MCM3AP: variants seen among roughly 807,000 people sequenced by gnomAD.
MCM3AP encodes the protein germinal-center associated nuclear protein.
A neutral mutation model predicts 184.1 loss-of-function variants in MCM3AP; 126 were observed. That is an observed-to-expected ratio of 0.68 (90% CI 0.59 to 0.79). The LOEUF is 0.79. MCM3AP is among the 30% of genes least tolerant of loss of function. MCM3AP has a pLI of 0.00. For missense variants in MCM3AP, 2,496 were observed against 2,479.2 expected (o/e 1.01, Z -0.14); for synonymous variants, 1,002 against 979.3 (o/e 1.02, Z -0.43).
chr21:46,246,947 T>C, intron 20 of MCM3AP, 61 bp from the exon 21 acceptor site: 2 of 1,569,482 alleles, frequency 1.3e-6, no homozygotes, highest in South Asian at 2.3e-5. Context: ...CAGTGACTGA[T>C]CTGCCCCAGA....
At chr21:46,239,162 C>T (rs1049460482) in intron 26 of MCM3AP, among the ~76,000 whole-genome samples, 4 of 152,192 alleles carry the variant, frequency 2.6e-5, no homozygotes, top group African/African-American at 4.8e-5. Context: ...AAGGAAGGAG[C>T]GGAGGTCAGA....
intron 16 of MCM3AP, among the ~76,000 whole-genome samples, chr21:46,258,546 T>C (rs926576518): frequency 6.6e-6 from 1 of 152,212 alleles, no homozygotes; most frequent in Non-Finnish European, 1.5e-5. Context: ...CCCTATTAAT[T>C]GCTTTTTCTC....
rs764632636 is a variant in MCM3AP, at chr21:46,267,123, C to T, written c.2648G>A (p.Arg883Gln). ...YFSQIRKDAL[R>Q]ALNFAYTVST... ...CACCGTGTACGCAAAGTTGAGCGCC[C>T]GGAGAGCATCCTTGCGGATCTGAGA... Residue 883 changes from arginine (R) to glutamine (Q), a missense_variant, in exon 10 of 28, where the codon CGG becomes CAG. Coordinates refer to ENST00000291688, the MANE Select transcript of MCM3AP (RefSeq NM_003906.5). The T allele has an allele frequency of 1.1e-5, 18 of 1,613,582 alleles. No individual in the cohort carries two copies. In the South Asian group the frequency reaches 1.4e-4, roughly 13 times the overall value.
chr21:46,264,974 A>C (rs2081090445), intron 12 of MCM3AP, among the ~76,000 whole-genome samples: 1 of 149,972 alleles, frequency 6.7e-6, no homozygotes, highest in African/African-American at 2.5e-5. Flanking sequence ...ACCCAAGGGG[A>C]CACACCCACC....
At chr21:46,240,679 C>A in intron 26 of MCM3AP, 132 bp downstream of exon 26, 1 of 761,170 alleles carries the variant, frequency 1.3e-6, no homozygotes. Context: ...AGTTACATCA[C>A]TAAAACTGTT....
intron 21 of MCM3AP, 102 bp from the exon 22 acceptor site, chr21:46,246,506 C>A (rs2080772535): frequency 1.4e-6 from 2 of 1,436,196 alleles, no homozygotes; most frequent in Non-Finnish European, 2.0e-6. Flanking sequence ...AGTGGACAGT[C>A]ACCACAGGGG....
chr21:46,269,240 A>G (rs2081150367), intron 9 of MCM3AP, among the ~76,000 whole-genome samples: 1 of 151,828 alleles, frequency 6.6e-6, no homozygotes, highest in Admixed American at 6.6e-5. Flanking sequence ...CAGCCTCCTG[A>G]GTAGCTGGGA....
At position 46,282,429 on chromosome 21, in the gene MCM3AP, T is replaced by C. The variant is rs368503994; in HGVS notation, c.1443+1186A>G. Among the ~76,000 whole-genome samples, 335 of 152,316 alleles carry C rather than the reference T, an allele frequency of 2.2e-3. 2 individuals are homozygous for C. The highest frequency in any genetic ancestry group is 3.5e-3 in the Non-Finnish European group (240 of 68,030). The stretch of plus-strand genomic sequence containing the variant: ...TTCCTATAGAACGTAATTTTGTCTA[T>C]GAGAATACTCAGAAAAAATAGTGAC... On this transcript the variant is annotated intron_variant, in intron 2 of 27. Transcript: ENST00000291688.
Position 46,254,569 on chromosome 21 carries a change from C to T in MCM3AP, c.4002-43G>A, listed in dbSNP as rs759729092. The T allele has an allele frequency of 1.9e-6, 3 of 1,610,400 alleles. No homozygotes were observed. In the Admixed American group the frequency reaches 5.0e-5, roughly 27 times the overall value. ...CCGTGGATTAGCCAGTGTGTGAGAC[C>T]CTTGCAGGAGCAGCACACACATCCT... is the stretch of plus-strand genomic sequence containing the variant. On this transcript the variant is annotated intron_variant, in intron 18 of 27. Coordinates refer to ENST00000291688, the MANE Select transcript of MCM3AP (RefSeq NM_003906.5).
intron 21 of MCM3AP, 42 bp downstream of exon 21, chr21:46,246,586 A>G: frequency 1.2e-6 from 2 of 1,601,102 alleles, no homozygotes; most frequent in Non-Finnish European, 1.7e-6. Flanking sequence ...CCACCCATTT[A>G]TTAAACAATG....
At chr21:46,247,592 A>G (rs1354944987) in intron 20 of MCM3AP, 2 of 149,018 alleles carry the variant, frequency 1.3e-5, no homozygotes, top group Admixed American at 1.3e-4. Flanking sequence ...CCTGACCTCA[A>G]GTGATCAGCC....
At chr21:46,242,974 C>T (rs764366701) in intron 24 of MCM3AP, 43 bp from the exon 25 acceptor site, 9 of 1,351,918 alleles carry the variant, frequency 6.7e-6, no homozygotes, top group Non-Finnish European at 8.8e-6. Context: ...CCAGCCTGGC[C>T]AACCCTGTCT....
Position 46,264,134 on chromosome 21 carries a change from G to C in MCM3AP, c.3318C>G (p.Tyr1106Ter), listed in dbSNP as rs558735247. ...CCACTCACCCCAGGGCGGCAGCTGCGTAGGCAGCACCCGCAGAGCCAACTT... is the reference window on the plus strand; with the variant it reads ...CCACTCACCCCAGGGCGGCAGCTGCCTAGGCAGCACCCGCAGAGCCAACTT... ...CEEVGSAGAAYAAAALGVSNA... is the reference protein window; with the variant it reads ...CEEVGSAGAA Residue 1106 changes from tyrosine (Y) to a stop codon, truncating the protein, a stop_gained, in exon 13 of 28, where the codon TAC (tyrosine) becomes TAG (stop). Coordinates refer to ENST00000291688, the MANE Select transcript of MCM3AP (RefSeq NM_003906.5). LOFTEE classifies it high-confidence loss of function. 8 of 1,613,074 alleles carry C rather than the reference G, an allele frequency of 5.0e-6. No individual in the cohort carries two copies. The highest frequency in any genetic ancestry group is 6.8e-6 in the Non-Finnish European group (8 of 1,179,288).
At chr21:46,254,987 TATC>T (rs1025109913) in intron 17 of MCM3AP, 143 bp from the exon 18 acceptor site, 2 of 689,702 alleles carry the variant, frequency 2.9e-6, no homozygotes, top group African/African-American at 3.5e-5. Context: ...ATTCCACAAA[TATC>T]ATGTTAAGTA....
chr21:46,268,834 A>G (rs1186275305), intron 9 of MCM3AP, among the ~76,000 whole-genome samples: 1 of 152,208 alleles, frequency 6.6e-6, no homozygotes, highest in Non-Finnish European at 1.5e-5. Flanking sequence ...ACCTGAGGCT[A>G]GGAGTTCGAG....
At chr21:46,276,941 G>A (rs1265597587) in intron 5 of MCM3AP, among the ~76,000 whole-genome samples, 1 of 151,608 alleles carries the variant, frequency 6.6e-6, no homozygotes, top group East Asian at 1.9e-4. Flanking sequence ...TAGAGATGGG[G>A]GTTTTGCCAT....
intron 5 of MCM3AP, among the ~76,000 whole-genome samples, chr21:46,277,220 G>A (rs151189681): frequency 2.0e-5 from 3 of 152,240 alleles, no homozygotes; most frequent in South Asian, 2.1e-4. Flanking sequence ...TGTCCAAGAC[G>A]GAGCACTCCA....
intron 17 of MCM3AP, among the ~76,000 whole-genome samples, chr21:46,256,132 G>A (rs376696519): frequency 2.0e-5 from 3 of 152,248 alleles, no homozygotes; most frequent in East Asian, 3.9e-4. Context: ...CCCACTGGGA[G>A]GCCAGGGAGC....
Position 46,285,054 on chromosome 21 carries a change from G to A in MCM3AP, c.233C>T (p.Thr78Ile), listed in dbSNP as rs1168857343. The A allele has an allele frequency of 6.8e-6, 11 of 1,614,192 alleles. No individual in the cohort carries two copies. Among genetic ancestry groups the A allele is most frequent in the African/African-American group, 1.3e-5 (1 of 75,048 alleles). ...TCCAGAAAAGGGTCCAACACTTGAGGTTTGGGTGAACCCTAATGTTTGCAC... is the reference window on the plus strand; with the variant it reads ...TCCAGAAAAGGGTCCAACACTTGAGATTTGGGTGAACCCTAATGTTTGCAC... ...SSVQTLGFTQ[T>I]SSVGPFSGLE... Residue 78 changes from threonine (T) to isoleucine (I), a missense_variant, in exon 1 of 28, where the codon ACC (threonine) becomes ATC (isoleucine). Thr to Ile is a moderately conservative substitution (Grantham distance 89). Transcript: ENST00000291688.
Sources: allele counts gnomAD v4.1 joint callset (sites outside exome capture counted in the v4.1 genomes callset), GRCh38; gene constraint gnomAD v4.1.1; transcripts MANE v1.5; gene names NCBI Gene and HGNC (gene_info 2026-07-23, HGNC 2026-07-21).